EPN2: variants seen among roughly 807,000 people sequenced by gnomAD.
EPN2 encodes the protein epsin 2.
In EPN2, 34 loss-of-function variants were observed where a neutral mutation model predicts 61.7. The ratio of observed to expected loss-of-function variants is 0.55; its 90% CI spans 0.42 to 0.73. EPN2 has a LOEUF of 0.73. Ranked by LOEUF, EPN2 falls within the 30% of genes least tolerant of loss-of-function variation. The pLI is 0.00. For synonymous variants in EPN2, 349 were observed against 353.6 expected (o/e 0.99, Z 0.15); for missense variants, 714 against 839.2 (o/e 0.85, Z 1.84).
chr17:19,276,204 T>A (rs1370742996), intron 1 of EPN2, among the ~76,000 whole-genome samples: 1 of 152,098 alleles, frequency 6.6e-6, no homozygotes, highest in Non-Finnish European at 1.5e-5. Context: ...TCAGCCGTTT[T>A]TTTGAGACAA....
chr17:19,281,859 A>G (rs2152216839), intron 1 of EPN2, 96 bp from the exon 2 acceptor site: 1 of 152,220 alleles, frequency 6.6e-6, no homozygotes, highest in South Asian at 2.1e-4. Flanking sequence ...CAGTTTTCCC[A>G]TTTTATAGGT....
intron 4 of EPN2, among the ~76,000 whole-genome samples, chr17:19,298,749 A>C (rs897756045): frequency 6.6e-6 from 1 of 152,168 alleles, no homozygotes; most frequent in Non-Finnish European, 1.5e-5. Flanking sequence ...AATGGACGTA[A>C]CCATAGTGCT....
intron 4 of EPN2, among the ~76,000 whole-genome samples, chr17:19,289,807 A>G (rs1406285594): frequency 7.4e-6 from 1 of 134,546 alleles, no homozygotes; most frequent in Non-Finnish European, 1.5e-5. Context: ...GCTCACTGCA[A>G]CCTCCGCCTA....
At chr17:19,306,760 G>T (rs758960436) in intron 4 of EPN2, among the ~76,000 whole-genome samples, 61 of 152,326 alleles carry the variant, frequency 4.0e-4, no homozygotes, top group Non-Finnish European at 8.2e-4. Context: ...TCCCTGCCAG[G>T]ATGGGGCTTG....
rs1161587689 is a variant in EPN2 at position 19,328,717 on chromosome 17, A to G, written c.1154A>G (p.Lys385Arg). 1.2e-6 allele frequency: 2 copies of G among 1,606,792 alleles called. No homozygotes were observed. The highest frequency in any genetic ancestry group is 2.7e-5 in the African/African-American group (2 of 74,808). Residue 385 changes from lysine to arginine, a missense_variant, in exon 8 of 11, where the codon AAG (lysine) becomes AGG (arginine). Lys to Arg is a conservative substitution (Grantham distance 26, BLOSUM62 2). Transcript: ENST00000314728. ...TSDPWPSFGT[K>R]PAASIDPWGV... ...TGACCCTGCCTTCCAACAGGTACCA[A>G]GCCAGCTGCCTCCATTGACCCATGG...
intron 1 of EPN2, chr17:19,274,229 C>A (rs2045284472): frequency 6.6e-6 from 1 of 152,540 alleles, no homozygotes; most frequent in Admixed American, 6.5e-5. Flanking sequence ...CTCAGCTCTG[C>A]CCCCAGAATG....
chr17:19,321,133 A>T (rs1408606556), intron 7 of EPN2, among the ~76,000 whole-genome samples: 1 of 152,196 alleles, frequency 6.6e-6, no homozygotes, highest in Non-Finnish European at 1.5e-5. Flanking sequence ...TAGAGGCTGC[A>T]GAGTGGGGGC....
rs757105809 is a variant in EPN2, at chr17:19,334,132, C to T, written c.1804C>T (p.Leu602=). The stretch of plus-strand genomic sequence containing the variant: ...GACCTCCGCGGCCCCACAGCCAGCT[C>T]TGGGGGCCACTGGTTCCTCTCTGAC... ...SMTSAAPQPA[L]GATGSSLTPL... The change falls in exon 11 of 11, where the codon CTG becomes TTG. Residue 602 remains leucine, a synonymous_variant. Coordinates refer to ENST00000314728, the MANE Select transcript of EPN2 (RefSeq NM_014964.5). This position sits in a 1 kb window ranked among gnomAD's most constrained non-coding sequence, Gnocchi z 4.9. The T allele has an allele frequency of 1.7e-5, 28 of 1,605,580 alleles. No individual in the cohort carries two copies. The highest frequency in any genetic ancestry group is 4.0e-5 in the African/African-American group (3 of 74,822).
At chr17:19,240,205 G>C (rs1015611122) in intron 1 of EPN2, among the ~76,000 whole-genome samples, 1 of 152,052 alleles carries the variant, frequency 6.6e-6, no homozygotes, top group Non-Finnish European at 1.5e-5. Context: ...ATGTATACCT[G>C]GTGACCCTGA....
chr17:19,271,024 G>A (rs1453378964), intron 1 of EPN2, among the ~76,000 whole-genome samples: 1 of 152,226 alleles, frequency 6.6e-6, no homozygotes, highest in Non-Finnish European at 1.5e-5. Context: ...CAGTCTCTGA[G>A]TAGAGAGATA....
At chr17:19,243,138 A>T (rs895079386) in intron 1 of EPN2, among the ~76,000 whole-genome samples, 1 of 152,012 alleles carries the variant, frequency 6.6e-6, no homozygotes, top group South Asian at 2.1e-4. Flanking sequence ...GTGCAGCAGA[A>T]GCACCCAGAG....
At chr17:19,302,080 A>G (rs1190952078) in intron 4 of EPN2, among the ~76,000 whole-genome samples, 1 of 152,202 alleles carries the variant, frequency 6.6e-6, no homozygotes, top group Non-Finnish European at 1.5e-5. Context: ...GTTGGTAATG[A>G]AGAGCCAGAC....
chr17:19,329,916 G>T (rs1377687739), intron 9 of EPN2, among the ~76,000 whole-genome samples: 1 of 152,142 alleles, frequency 6.6e-6, no homozygotes, highest in Non-Finnish European at 1.5e-5. Context: ...CTCAGAGTGG[G>T]CCTCACCTCT....
chr17:19,287,629 G>A (rs3785787), intron 4 of EPN2, among the ~76,000 whole-genome samples: 13,335 of 152,200 alleles, frequency 0.088, 1,161 homozygotes, highest in East Asian at 0.38. Context: ...GCAGTGGGAA[G>A]GTCAGAATGA....
chr17:19,270,729 G>A (rs918625907), intron 1 of EPN2, among the ~76,000 whole-genome samples: 4 of 152,186 alleles, frequency 2.6e-5, no homozygotes, highest in South Asian at 2.1e-4. Context: ...CCCTGTGGCC[G>A]GAGTGAGAAC....
intron 1 of EPN2, among the ~76,000 whole-genome samples, chr17:19,261,670 C>T (rs978886119): frequency 3.3e-5 from 5 of 152,140 alleles, no homozygotes; most frequent in African/African-American, 7.2e-5. Context: ...GACACATTTT[C>T]GGTATGAACT....
Position 19,334,394 on chromosome 17 carries a change from TCTTTACAGCCCCA to T in EPN2, c.*141_*153del, listed in dbSNP as rs1907305959. ...CTCCAGCTTCCTGATGAAAGGGCTGTCTTTACAGCCCCAACCCTCAGACCCTCGCCTTCCAAGG... is the reference window on the plus strand; with the variant it reads ...CTCCAGCTTCCTGATGAAAGGGCTGTACCCTCAGACCCTCGCCTTCCAAGG... On this transcript the variant is annotated 3_prime_UTR_variant, in exon 11 of 11. Coordinates refer to ENST00000314728, the MANE Select transcript of EPN2 (RefSeq NM_014964.5). The surrounding 1 kb of genome is among the most constrained non-coding windows in gnomAD (Gnocchi z 4.9). 1 of 649,836 alleles carries T rather than the reference TCTTTACAGCCCCA, an allele frequency of 1.5e-6. No individual in the cohort carries two copies. Among genetic ancestry groups the T allele is most frequent in the Admixed American group, 4.1e-5 (1 of 24,690 alleles). The allele number at this position is 649,836 out of a possible 1,614,324, so 40.3% of individuals were successfully genotyped here.
At chr17:19,258,651 G>A (rs1255239956) in intron 1 of EPN2, among the ~76,000 whole-genome samples, 1 of 152,218 alleles carries the variant, frequency 6.6e-6, no homozygotes, top group Non-Finnish European at 1.5e-5. Context: ...ATTTAACCTA[G>A]AGAGCTAGTC....
At chr17:19,246,894 A>G (rs1205485267) in intron 1 of EPN2, among the ~76,000 whole-genome samples, 2 of 151,448 alleles carry the variant, frequency 1.3e-5, no homozygotes, top group Non-Finnish European at 1.5e-5. Flanking sequence ...CAGCCTCCCA[A>G]GTAGCTGGGA....
Sources: gnomAD v4.1 joint callset for allele counts (sites outside exome capture counted in the v4.1 genomes callset) on GRCh38, gnomAD v4.1.1 for gene constraint, Gnocchi (gnomAD v3.1) non-coding constraint, MANE v1.5 for transcripts, NCBI Gene and HGNC (gene_info 2026-07-23, HGNC 2026-07-21) for gene names.